The following CUX2 variants were observed in gnomAD, a reference collection of about 807,000 sequenced individuals.
The protein encoded by CUX2 is homeobox protein cut-like 2.
A neutral mutation model predicts 144.8 loss-of-function variants in CUX2; 40 were observed. That is an observed-to-expected ratio of 0.28 (90% confidence interval 0.21 to 0.36). The LOEUF (loss-of-function observed/expected upper bound fraction) is 0.36, where lower values mean the gene tolerates loss of function less well. CUX2 is among the 10% of genes least tolerant of loss of function. CUX2 has a pLI of 1.00. For missense variants in CUX2, 1,615 were observed against 1,994.0 expected, an observed-to-expected ratio of 0.81 and a Z score of 3.62; for synonymous variants, 827 against 875.6, an observed-to-expected ratio of 0.94 and a Z score of 0.98.
intron 3 of CUX2, among the ~76,000 whole-genome samples, chr12:111,241,675 G>A (rs901062994): frequency 2.0e-5 from 3 of 152,242 alleles, no homozygotes; most frequent in East Asian, 1.9e-4. Context: ...GACATCCCAC[G>A]TTGGCCCGAC....
chr12:111,168,232 T>G (rs58457027), intron 1 of CUX2, among the ~76,000 whole-genome samples: 4,262 of 152,282 alleles, frequency 0.028, 81 homozygotes, highest in South Asian at 0.047. Flanking sequence ...ACCCCAACTC[T>G]GCTGTGTTCA....
At chr12:111,257,278 TTCCTCC>T (rs201832742) in intron 3 of CUX2, among the ~76,000 whole-genome samples, 2 of 104,478 alleles carry the variant, frequency 1.9e-5, no homozygotes, top group Non-Finnish European at 3.7e-5. Flanking sequence ...CCTTTTCCTC[TTCCTCC>T]TCCTCCTCCC....
chr12:111,322,293 G>A lies in CUX2; in HGVS notation c.2767-128G>A. ...AGATGGTGCCACTGCACTCCATCCT[G>A]GGCGACAGACAAAGCGAGACTCTGC... On this transcript the variant is annotated intron_variant, in intron 17 of 21. Coordinates refer to ENST00000261726, the MANE Select transcript of CUX2 (RefSeq NM_015267.4). The surrounding 1 kb of genome is among the most constrained non-coding windows in gnomAD (Gnocchi z 4.2). 9.4e-7 allele frequency: 1 copy of A among 1,061,132 alleles called. No individual in the cohort carries two copies. Among genetic ancestry groups the A allele is most frequent in the Non-Finnish European group, 1.3e-6 (1 of 766,792 alleles). The allele number at this position is 1,061,132 out of a possible 1,614,324, so 65.7% of individuals were successfully genotyped here. A position where few individuals can be genotyped will look rare whatever the true frequency, so the allele number is the denominator to read the frequency against.
chr12:111,195,682 C>T (rs1434008732), intron 1 of CUX2, among the ~76,000 whole-genome samples: 2 of 152,102 alleles, frequency 1.3e-5, no homozygotes, highest in Non-Finnish European at 2.9e-5. Flanking sequence ...TGGTAATCAC[C>T]GTAGCTAGGG....
intron 1 of CUX2, among the ~76,000 whole-genome samples, chr12:111,201,949 C>T (rs940266820): frequency 8.5e-5 from 13 of 152,086 alleles, no homozygotes; most frequent in African/African-American, 3.1e-4. Context: ...GACTCGTTTT[C>T]CCAGCTGCAA....
chr12:111,138,029 G>A (rs1268178766), intron 1 of CUX2, among the ~76,000 whole-genome samples: 16 of 152,296 alleles, frequency 1.1e-4, no homozygotes, highest in African/African-American at 2.2e-4. Context: ...GCCATGTGAC[G>A]GCTCTAGCCT....
chr12:111,206,583 C>T (rs935334990), intron 1 of CUX2, among the ~76,000 whole-genome samples: 7 of 152,218 alleles, frequency 4.6e-5, no homozygotes, highest in African/African-American at 1.7e-4. Context: ...GTACTGTGAA[C>T]TCCTCAAGGA....
intron 4 of CUX2, among the ~76,000 whole-genome samples, chr12:111,291,130 G>T (rs1413792267): frequency 6.6e-6 from 1 of 152,156 alleles, no homozygotes; most frequent in Non-Finnish European, 1.5e-5. Context: ...CTCCCAAAGT[G>T]CTGGGATTAC....
rs752188012 is a variant in CUX2, at chr12:111,050,782, C to T, written c.63+16542C>T. ...CTTTGCTGACTCTGGCTTCTCCACTCTTTTGACCACAGCAGCAAGTGAGGT... is the reference window on the plus strand; with the variant it reads ...CTTTGCTGACTCTGGCTTCTCCACTTTTTTGACCACAGCAGCAAGTGAGGT... On this transcript the variant is annotated intron_variant, in intron 1 of 21. Transcript: ENST00000261726. Among the ~76,000 whole-genome samples, 42 of 152,202 alleles carry T rather than the reference C, an allele frequency of 2.8e-4. 1 individual carries two copies. The highest frequency in any genetic ancestry group is 2.6e-4 in the Admixed American group (4 of 15,286).
At chr12:111,286,899 A>T (rs1012687956) in intron 4 of CUX2, among the ~76,000 whole-genome samples, 11 of 152,066 alleles carry the variant, frequency 7.2e-5, no homozygotes, top group Admixed American at 2.6e-4. Context: ...AATTCCTGGG[A>T]ATTAGGAAGT....
chr12:111,240,132 A>C (rs969203864), intron 3 of CUX2, among the ~76,000 whole-genome samples: 4 of 152,354 alleles, frequency 2.6e-5, no homozygotes, highest in African/African-American at 9.6e-5. Flanking sequence ...GAGGCTTATC[A>C]AGGTGAGAGG....
At chr12:111,179,136 C>T (rs535368298) in intron 1 of CUX2, among the ~76,000 whole-genome samples, 2 of 152,258 alleles carry the variant, frequency 1.3e-5, no homozygotes, top group Admixed American at 6.5e-5. Context: ...CTCCCCTCCT[C>T]ATTGAGGATC....
intron 21 of CUX2, among the ~76,000 whole-genome samples, chr12:111,343,896 A>G (rs1888684730): frequency 6.6e-6 from 1 of 152,124 alleles, no homozygotes; most frequent in Non-Finnish European, 1.5e-5. Flanking sequence ...CCCCATCTCT[A>G]CTAAAAATAC....
chr12:111,123,826 G>A (rs991694377), intron 1 of CUX2, among the ~76,000 whole-genome samples: 7 of 152,170 alleles, frequency 4.6e-5, no homozygotes, highest in South Asian at 2.1e-4. Context: ...GTGAGCCACC[G>A]CGCCCAGACA....
intron 1 of CUX2, among the ~76,000 whole-genome samples, chr12:111,196,785 C>G (rs1451441147): frequency 6.6e-6 from 1 of 152,136 alleles, no homozygotes; most frequent in Non-Finnish European, 1.5e-5. Flanking sequence ...CGTAGAAGTA[C>G]TAAATTTAAA....
chr12:111,206,875 G>T (rs1328097445), intron 1 of CUX2, among the ~76,000 whole-genome samples: 1 of 152,188 alleles, frequency 6.6e-6, no homozygotes, highest in East Asian at 1.9e-4. Flanking sequence ...ATAGATAAAG[G>T]CATGGTTGGT....
chr12:111,277,479 C>G lies in CUX2; in HGVS notation c.301+13640C>G, dbSNP rs2136310110. Among the ~76,000 whole-genome samples the G allele has an allele frequency of 6.6e-6, 1 of 152,088 alleles. No individual in the cohort carries two copies. The highest frequency in any genetic ancestry group is 2.4e-5 in the African/African-American group (1 of 41,490). On this transcript the variant is annotated intron_variant, in intron 4 of 21. Transcript: ENST00000261726. The surrounding 1 kb of genome is among the most constrained non-coding windows in gnomAD (Gnocchi z 5.0). ...CCCCCTGCTAGCTGCCTCATTAGGG[C>G]TCCGCGGAGACACCACTCCCCTCAC...
chr12:111,293,588 G>A lies in CUX2; in HGVS notation c.560+19G>A, dbSNP rs373658382. The stretch of plus-strand genomic sequence containing the variant: ...AACAAAAGTGAGGAAGGGAAGGTGG[G>A]TGGGAGGGAGGAAGGAATGGGCAGG... On this transcript the variant is annotated intron_variant, in intron 6 of 21. Transcript: ENST00000261726. This position sits in a 1 kb window ranked among gnomAD's most constrained non-coding sequence, Gnocchi z 4.5. The A allele has an allele frequency of 2.5e-4, 389 of 1,560,770 alleles. No homozygotes were observed. Among genetic ancestry groups the A allele is most frequent in the Middle Eastern group, 6.7e-4 (3 of 4,458 alleles).
Position 111,334,555 on chromosome 12 carries a change from A to G in CUX2, c.3041A>G (p.Gln1014Arg). The change falls in exon 19 of 22, where the codon CAG (glutamine) becomes CGG (arginine). Residue 1014 changes from glutamine to arginine, a missense_variant. Transcript: ENST00000261726. Reference sequence around the variant, plus strand: ...CTGGAGAGCAGCAAGGAGAACCAGCAGCCAGAGGGCCGCTCCAGCTCCTCG... The same window carrying G: ...CTGGAGAGCAGCAAGGAGAACCAGCGGCCAGAGGGCCGCTCCAGCTCCTCG... ...LSLESSKENQ[Q>R]PEGRSSSSLS... is the part of the protein sequence containing the mutation. 1 of 1,613,964 alleles carries G rather than the reference A, an allele frequency of 6.2e-7. No individual in the cohort carries two copies. Among genetic ancestry groups the G allele is most frequent in the Non-Finnish European group, 8.5e-7 (1 of 1,179,998 alleles).
Sources: gnomAD v4.1 joint callset for allele counts (sites outside exome capture counted in the v4.1 genomes callset) on GRCh38, gnomAD v4.1.1 for gene constraint, Gnocchi (gnomAD v3.1) non-coding constraint, MANE v1.5 for transcripts, NCBI Gene and HGNC (gene_info 2026-07-23, HGNC 2026-07-21) for gene names.